The following TYW3 variants were observed in gnomAD, a reference collection of about 807,000 sequenced individuals.
TYW3 encodes tRNA wybutosine-synthesizing protein 3 homolog.
Under a neutral mutation model 23.1 loss-of-function variants are expected in TYW3, and 26 were observed. That is an observed-to-expected ratio of 1.13 (90% confidence interval 0.83 to 1.56). The LOEUF (loss-of-function observed/expected upper bound fraction) is 1.56, where lower values mean the gene tolerates loss of function less well. TYW3 is among the 40% of genes most tolerant of loss of function. The pLI, the probability that TYW3 is intolerant of heterozygous loss-of-function variation, is 0.00. For missense variants in TYW3, 316 were observed against 311.9 expected, an observed-to-expected ratio of 1.01 and a Z score of -0.10; for synonymous variants, 102 against 105.7, an observed-to-expected ratio of 0.97 and a Z score of 0.21.
chr1:74,748,557 A>G (rs1648668395), intron 3 of TYW3, 194 bp from the exon 4 acceptor site: 1 of 561,246 alleles, frequency 1.8e-6, no homozygotes, highest in Non-Finnish European at 3.2e-6. Context: ...CATAGTTCAT[A>G]TTTCAATATT....
rs760282189 is a variant in TYW3, at chr1:74,764,135, G to C, written c.*22G>C. ...CTAAGCTTTGGTTCTGATGTGTCTT[G>C]GCCGTAATGTTTCTAGTAGGTTTTA... On this transcript the variant is annotated 3_prime_UTR_variant, in exon 6 of 6. Transcript: ENST00000370867. 5.7e-6 allele frequency: 9 copies of C among 1,585,408 alleles called. No individual in the cohort carries two copies. Among genetic ancestry groups the C allele is most frequent in the Non-Finnish European group, 6.0e-6 (7 of 1,167,742 alleles).
Position 74,765,059 on chromosome 1 carries a change from C to G in TYW3, c.*946C>G, listed in dbSNP as rs949277075. On this transcript the variant is annotated 3_prime_UTR_variant, in exon 6 of 6. Transcript: ENST00000370867. Reference sequence around the variant, plus strand: ...CATGGAGATGCTACTTTAATAGGCCCTGCCGCAGATCTTCCAAACCAGAAT... The same window carrying G: ...CATGGAGATGCTACTTTAATAGGCCGTGCCGCAGATCTTCCAAACCAGAAT... 1 of 152,116 alleles carries G rather than the reference C, an allele frequency of 6.6e-6. No individual in the cohort carries two copies. Among genetic ancestry groups the G allele is most frequent in the African/African-American group, 2.4e-5 (1 of 41,418 alleles). The allele number at this position is 152,116 out of a possible 1,614,324, so 9.4% of individuals were successfully genotyped here. A position where few individuals can be genotyped will look rare whatever the true frequency, so the allele number is the denominator to read the frequency against.
intron 3 of TYW3, among the ~76,000 whole-genome samples, chr1:74,747,767 A>G (rs1648623639): frequency 6.6e-6 from 1 of 150,772 alleles, no homozygotes; most frequent in Admixed American, 6.6e-5. Context: ...ATGTATGTGT[A>G]TATGTGTGTA....
Position 74,742,423 on chromosome 1 carries a change from C to T in TYW3, c.354+3635C>T, listed in dbSNP as rs149097471. Among the ~76,000 whole-genome samples the T allele has an allele frequency of 2.0e-3, 306 of 152,240 alleles. 2 individuals carry two copies. Among genetic ancestry groups the T allele is most frequent in the African/African-American group, 6.9e-3 (288 of 41,532 alleles). On this transcript the variant is annotated intron_variant, in intron 3 of 5. Transcript: ENST00000370867. ...CCTTTCCTTCTTCTGTCGTTAACCA[C>T]GCCGAGGGGAGAAAACTATGCCCCC...
chr1:74,744,193 G>A (rs576693534), intron 3 of TYW3, among the ~76,000 whole-genome samples: 23 of 152,262 alleles, frequency 1.5e-4, no homozygotes, highest in African/African-American at 5.1e-4. Flanking sequence ...CTTGTAGGAT[G>A]TAAATTGCAA....
At chr1:74,751,645 G>A (rs1185316049) in intron 4 of TYW3, among the ~76,000 whole-genome samples, 1 of 151,956 alleles carries the variant, frequency 6.6e-6, no homozygotes, top group African/African-American at 2.4e-5. Flanking sequence ...ACTCCAGCCG[G>A]GGCAACAAGA....
intron 5 of TYW3, among the ~76,000 whole-genome samples, chr1:74,752,763 A>C (rs982242623): frequency 6.6e-6 from 1 of 152,172 alleles, no homozygotes; most frequent in East Asian, 1.9e-4. Context: ...GAAGGCAGCC[A>C]GGGAAGAGAT....
At chr1:74,735,948 G>T (rs1379842956) in intron 1 of TYW3, among the ~76,000 whole-genome samples, 1 of 152,136 alleles carries the variant, frequency 6.6e-6, no homozygotes, top group Non-Finnish European at 1.5e-5. Flanking sequence ...ATAGAACTTT[G>T]CAAATAAACA....
At chr1:74,762,610 A>G (rs1269927029) in intron 5 of TYW3, among the ~76,000 whole-genome samples, 1 of 152,202 alleles carries the variant, frequency 6.6e-6, no homozygotes, top group Non-Finnish European at 1.5e-5. Flanking sequence ...TCTATATTCC[A>G]TAAAAGTAGT....
chr1:74,747,819 GTA>G (rs79579729), intron 3 of TYW3, among the ~76,000 whole-genome samples: 10 of 150,468 alleles, frequency 6.6e-5, no homozygotes, highest in Admixed American at 2.0e-4. Flanking sequence ...ACACACATAT[GTA>G]TATATATGGG....
At position 74,736,590 on chromosome 1, in the gene TYW3, G is replaced by A. The variant is rs868579809; in HGVS notation, c.223G>A (p.Val75Ile). Residue 75 changes from valine (V) to isoleucine (I), a missense_variant, in exon 2 of 6, where the codon GTT becomes ATT. Physicochemically the swap from Val to Ile is conservative, Grantham distance 29. Transcript: ENST00000370867. ...GAAACAAAACTGTTGCTGGCTACTG[G>A]TTACACACAAACTTTGTGTAAAAGA... The part of the protein sequence containing the change: ...VQKQNCCWLL[V>I]THKLCVKDDV... 1.2e-6 allele frequency: 2 copies of A among 1,603,400 alleles called. No individual in the cohort carries two copies. The highest frequency in any genetic ancestry group is 1.7e-6 in the Non-Finnish European group (2 of 1,174,816).
At position 74,738,733 on chromosome 1, in the gene TYW3, T is replaced by C; in HGVS notation, c.299T>C (p.Phe100Ser). ...KKANGDATLK[F>S]EPFVLHVQCR... ...GCAAATGGTGATGCCACTTTGAAATTTGAACCATTTGTTCTTCATGTGCAG... is the reference window on the plus strand; with the variant it reads ...GCAAATGGTGATGCCACTTTGAAATCTGAACCATTTGTTCTTCATGTGCAG... The change falls in exon 3 of 6, where the codon TTT (phenylalanine) becomes TCT (serine). Residue 100 changes from phenylalanine (F) to serine (S), a missense_variant. By Grantham distance (155) the Phe-to-Ser change is radical (BLOSUM62 -2). Coordinates refer to ENST00000370867, the MANE Select transcript of TYW3 (RefSeq NM_138467.3). 1 of 1,610,276 alleles carries C rather than the reference T, an allele frequency of 6.2e-7. No homozygotes were observed. Among genetic ancestry groups the C allele is most frequent in the Middle Eastern group, 1.7e-4 (1 of 6,046 alleles).
chr1:74,746,799 C>G (rs1648580693), intron 3 of TYW3, among the ~76,000 whole-genome samples: 1 of 152,138 alleles, frequency 6.6e-6, no homozygotes, highest in Non-Finnish European at 1.5e-5. Flanking sequence ...CGAGATTGCA[C>G]CATTGCACTC....
chr1:74,756,594 A>T (rs970644855), intron 5 of TYW3, among the ~76,000 whole-genome samples: 3 of 152,224 alleles, frequency 2.0e-5, no homozygotes, highest in African/African-American at 7.2e-5. Flanking sequence ...GGGTGCTGTT[A>T]AACACATTCA....
intron 3 of TYW3, among the ~76,000 whole-genome samples, chr1:74,745,263 C>A (rs1403753416): frequency 2.0e-5 from 3 of 152,190 alleles, no homozygotes; most frequent in Non-Finnish European, 4.4e-5. Context: ...ACAAAGCTTC[C>A]ACAGCTTGGA....
chr1:74,761,278 T>C (rs924604779), intron 5 of TYW3, among the ~76,000 whole-genome samples: 3 of 152,184 alleles, frequency 2.0e-5, no homozygotes, highest in African/African-American at 7.2e-5. Flanking sequence ...AAAGGATCTT[T>C]GTTCCATTTT....
At chr1:74,745,861 G>A (rs1187575240) in intron 3 of TYW3, among the ~76,000 whole-genome samples, 1 of 152,176 alleles carries the variant, frequency 6.6e-6, no homozygotes, top group Non-Finnish European at 1.5e-5. Flanking sequence ...TGGCTTGCAG[G>A]CAGCTGCCTT....
intron 3 of TYW3, among the ~76,000 whole-genome samples, chr1:74,744,729 A>T (rs1174997086): frequency 6.6e-6 from 1 of 152,112 alleles, no homozygotes; most frequent in Non-Finnish European, 1.5e-5. Flanking sequence ...AGTTGCAGAC[A>T]CTCATGGTGA....
chr1:74,764,112 A>G lies in TYW3; in HGVS notation c.779A>G (p.Ter260=), dbSNP rs1287078744. The G allele has an allele frequency of 6.2e-7, 1 of 1,607,078 alleles. No individual in the cohort carries two copies. The highest frequency in any genetic ancestry group is 8.5e-7 in the Non-Finnish European group (1 of 1,177,786). ...INVTIFPEDY[*] ...GTTACCATCTTCCCTGAAGATTACT[A>G]AGCTTTGGTTCTGATGTGTCTTGGC... is the stretch of plus-strand genomic sequence containing the variant. Residue 260 remains the stop codon, a stop_retained_variant, in exon 6 of 6, where the codon TAA becomes TGA. Transcript: ENST00000370867.
Sources: allele counts gnomAD v4.1 joint callset (sites outside exome capture counted in the v4.1 genomes callset), GRCh38; gene constraint gnomAD v4.1.1; transcripts MANE v1.5; gene names NCBI Gene and HGNC (gene_info 2026-07-23, HGNC 2026-07-21).